The following PRKDC variants were observed in gnomAD, a reference collection of about 807,000 sequenced individuals.
The protein encoded by PRKDC is DNA-dependent protein kinase catalytic subunit.
In PRKDC, 82 loss-of-function variants were observed where a neutral mutation model predicts 486.9. The ratio of observed to expected loss-of-function variants is 0.17; its 90% CI spans 0.14 to 0.20. The LOEUF (loss-of-function observed/expected upper bound fraction) is 0.20, where lower values mean the gene tolerates loss of function less well. PRKDC is among the 10% of genes least tolerant of loss of function. PRKDC has a pLI of 1.00. For synonymous variants in PRKDC, 1,895 were observed against 1,837.0 expected, an observed-to-expected ratio of 1.03 and a Z score of -0.81; for missense variants, 4,504 against 5,038.2, an observed-to-expected ratio of 0.89 and a Z score of 3.21.
intron 1 of PRKDC, among the ~76,000 whole-genome samples, chr8:47,957,939 C>T (rs1164426253): frequency 1.3e-5 from 2 of 152,108 alleles, no homozygotes; most frequent in East Asian, 3.9e-4. Context: ...AATAATGGCC[C>T]CAAAGATGCC....
chr8:47,808,250 T>C (rs1357865297), intron 68 of PRKDC, among the ~76,000 whole-genome samples: 2 of 152,186 alleles, frequency 1.3e-5, no homozygotes. Context: ...CACACAATCC[T>C]CTTCCCTCAG....
At chr8:47,820,374 T>A (rs2087560525) in intron 66 of PRKDC, among the ~76,000 whole-genome samples, 1 of 151,816 alleles carries the variant, frequency 6.6e-6, no homozygotes, top group Non-Finnish European at 1.5e-5. Context: ...AGAAACTTGG[T>A]CTCAAAAAAC....
chr8:47,834,993 T>C (rs1441324678), intron 58 of PRKDC, among the ~76,000 whole-genome samples: 1 of 152,186 alleles, frequency 6.6e-6, no homozygotes, highest in Admixed American at 6.5e-5. Context: ...CCCGGCCCCC[T>C]GACTTCTAAT....
intron 40 of PRKDC, 53 bp from the exon 41 acceptor site, chr8:47,864,816 T>C (rs2088769434): frequency 7.1e-6 from 10 of 1,414,564 alleles, no homozygotes; most frequent in East Asian, 2.5e-5. Context: ...AGAGGAACTT[T>C]ATGAGTGCCT....
chr8:47,833,933 T>A (rs2087946315), intron 59 of PRKDC, among the ~76,000 whole-genome samples: 1 of 152,158 alleles, frequency 6.6e-6, no homozygotes, highest in Admixed American at 6.5e-5. Flanking sequence ...CAATCACCCC[T>A]TTATAAATGC....
chr8:47,922,073 AC>A (rs1236962956), intron 21 of PRKDC, among the ~76,000 whole-genome samples: 2 of 151,632 alleles, frequency 1.3e-5, no homozygotes, highest in African/African-American at 4.9e-5. Context: ...GAGCCACTGC[AC>A]CCAGCCTGAT....
At chr8:47,784,978 C>T (rs963666925) in intron 77 of PRKDC, 135 bp downstream of exon 77, 57 of 829,080 alleles carry the variant, frequency 6.9e-5, no homozygotes, top group Admixed American at 3.1e-4. Context: ...ATGAAAAATT[C>T]GGTGAATTTT....
chr8:47,910,482 G>T (rs1189098059), intron 25 of PRKDC, among the ~76,000 whole-genome samples: 2 of 151,946 alleles, frequency 1.3e-5, no homozygotes, highest in Non-Finnish European at 2.9e-5. Context: ...ACACACAAGG[G>T]GCCATTTCCC....
At chr8:47,955,539 G>C (rs573758564) in intron 4 of PRKDC, among the ~76,000 whole-genome samples, 1 of 150,060 alleles carries the variant, frequency 6.7e-6, no homozygotes. Flanking sequence ...AAACCTCAGA[G>C]ATATAAGGTG....
chr8:47,907,667 T>C (rs1196030983), intron 25 of PRKDC, among the ~76,000 whole-genome samples: 1 of 151,460 alleles, frequency 6.6e-6, no homozygotes, highest in African/African-American at 2.4e-5. Context: ...CCCAAGTAGC[T>C]GGGATTACAG....
rs1360116580 is a variant in PRKDC, at chr8:47,957,449, T to C, written c.155-18A>G. Reference sequence around the variant, plus strand: ...CTGTAATGCTGTTCAAAAAAATAAGTAAACAAGTTAAGAGAGTGCCAAGAG... The same window carrying C: ...CTGTAATGCTGTTCAAAAAAATAAGCAAACAAGTTAAGAGAGTGCCAAGAG... On this transcript the variant is annotated intron_variant, in intron 1 of 85. Transcript: ENST00000314191. 1 of 1,552,134 alleles carries C rather than the reference T, an allele frequency of 6.4e-7. No homozygotes were observed. Among genetic ancestry groups the C allele is most frequent in the East Asian group, 2.4e-5 (1 of 42,184 alleles).
intron 44 of PRKDC, 68 bp downstream of exon 44, chr8:47,861,994 T>A: frequency 7.8e-7 from 1 of 1,274,864 alleles, no homozygotes. Flanking sequence ...ACTTAACGTG[T>A]TTGACATAAT....
intron 68 of PRKDC, among the ~76,000 whole-genome samples, chr8:47,809,688 G>C (rs1589711939): frequency 6.6e-6 from 1 of 152,162 alleles, no homozygotes; most frequent in Non-Finnish European, 1.5e-5. Flanking sequence ...GTCTGGATCC[G>C]GTATGGCACT....
intron 16 of PRKDC, among the ~76,000 whole-genome samples, chr8:47,931,802 GTTCT>G (rs1220863940): frequency 1.3e-5 from 2 of 152,204 alleles, no homozygotes; most frequent in Non-Finnish European, 2.9e-5. Flanking sequence ...CAGGATCTTA[GTTCT>G]TTCTCACCAG....
chr8:47,789,786 C>T (rs2086855085), intron 74 of PRKDC, among the ~76,000 whole-genome samples: 1 of 151,878 alleles, frequency 6.6e-6, no homozygotes, highest in Non-Finnish European at 1.5e-5. Context: ...ACAAATCAAT[C>T]ATATCTACAC....
chr8:47,831,962 G>C, intron 59 of PRKDC, 36 bp from the exon 60 acceptor site: 1 of 1,562,794 alleles, frequency 6.4e-7, no homozygotes, highest in South Asian at 1.1e-5. Context: ...ACTCCCCGCC[G>C]CCCAGACACT....
chr8:47,948,212 C>T (rs1464724446), intron 7 of PRKDC, among the ~76,000 whole-genome samples: 1 of 151,856 alleles, frequency 6.6e-6, no homozygotes, highest in East Asian at 1.9e-4. Flanking sequence ...GGCGCGATCT[C>T]GGGTCACTGC....
At chr8:47,832,498 C>T (rs996485798) in intron 59 of PRKDC, among the ~76,000 whole-genome samples, 1 of 152,044 alleles carries the variant, frequency 6.6e-6, no homozygotes, top group Non-Finnish European at 1.5e-5. Flanking sequence ...AAAACATGAT[C>T]ATTTATCAGA....
At chr8:47,884,838 T>C (rs2089293627) in intron 36 of PRKDC, among the ~76,000 whole-genome samples, 1 of 152,006 alleles carries the variant, frequency 6.6e-6, no homozygotes, top group African/African-American at 2.4e-5. Flanking sequence ...AAGTCAACTA[T>C]ATATTAAATA....
Sources: allele counts gnomAD v4.1 joint callset (sites outside exome capture counted in the v4.1 genomes callset), GRCh38; gene constraint gnomAD v4.1.1; transcripts MANE v1.5; gene names NCBI Gene and HGNC (gene_info 2026-07-23, HGNC 2026-07-21).